Variants in GARRE1 observed in about 807,000 individuals in gnomAD.
GARRE1 encodes the protein granule associated Rac and RHOG effector 1, also known as granule associated Rac and RHOG effector protein 1.
GARRE1 carries 49 observed loss-of-function variants against 103.2 expected under a neutral mutation model. That is an observed-to-expected ratio of 0.47 (90% CI 0.38 to 0.60). The LOEUF is 0.60. GARRE1 is among the 20% of genes least tolerant of loss of function. The pLI, the probability that GARRE1 is intolerant of heterozygous loss-of-function variation, is 0.00. For missense variants in GARRE1, 1,199 were observed against 1,370.5 expected (o/e 0.87, Z 1.98); for synonymous variants, 505 against 532.8 (o/e 0.95, Z 0.72).
intron 10 of GARRE1, among the ~76,000 whole-genome samples, chr19:34,347,289 A>C (rs1350244968): frequency 6.6e-6 from 1 of 151,662 alleles, no homozygotes. Context: ...ACAGGGTTTC[A>C]CCATCTTGGT....
intron 2 of GARRE1, 23 bp downstream of exon 2, chr19:34,300,991 C>A: frequency 6.3e-7 from 1 of 1,577,182 alleles, no homozygotes; most frequent in Non-Finnish European, 8.6e-7. Context: ...TTGTGTCATA[C>A]TTGTGTAGGA....
chr19:34,298,261 C>G (rs1486099745), intron 1 of GARRE1, among the ~76,000 whole-genome samples: 1 of 151,576 alleles, frequency 6.6e-6, no homozygotes, highest in Non-Finnish European at 1.5e-5. Context: ...ACAAAAAATA[C>G]AAAAATTAAC....
intron 1 of GARRE1, among the ~76,000 whole-genome samples, chr19:34,298,413 C>CAAAA (rs55665879): frequency 2.3e-5 from 3 of 129,622 alleles, no homozygotes; most frequent in Admixed American, 7.9e-5. Flanking sequence ...GACTCTGTCT[C>CAAAA]AAAAAAAAAA....
At chr19:34,271,735 A>G (rs1385149950) in intron 1 of GARRE1, among the ~76,000 whole-genome samples, 3 of 151,944 alleles carry the variant, frequency 2.0e-5, no homozygotes, top group Non-Finnish European at 4.4e-5. Flanking sequence ...GCTACTTAGG[A>G]GGCTGAGGTG....
chr19:34,305,172 C>T (rs935764603), intron 2 of GARRE1, among the ~76,000 whole-genome samples: 2 of 152,218 alleles, frequency 1.3e-5, no homozygotes, highest in Non-Finnish European at 1.5e-5. Flanking sequence ...AGCAGTGAAA[C>T]TTCTACTTTC....
At chr19:34,272,118 C>T (rs565734537) in intron 1 of GARRE1, among the ~76,000 whole-genome samples, 16 of 152,344 alleles carry the variant, frequency 1.1e-4, no homozygotes, top group African/African-American at 3.6e-4. Flanking sequence ...CGGGGACCAT[C>T]TGGAATAACA....
intron 7 of GARRE1, among the ~76,000 whole-genome samples, chr19:34,330,757 T>TGC (rs1400782381): frequency 7.0e-6 from 1 of 142,706 alleles, no homozygotes; most frequent in African/African-American, 2.6e-5. Flanking sequence ...TTTGTGTGTG[T>TGC]GTGTGTGACA....
Position 34,300,587 on chromosome 19 carries a change from C to T in GARRE1, c.114C>T (p.Gly38=). ...AGCAATACCCGATGCCTGAGCTGGG[C>T]CGAGCACTGAGTGCTCCCCTGGCAT... is the stretch of plus-strand genomic sequence containing the variant. ...QHQQYPMPEL[G]RALSAPLAST... The change falls in exon 2 of 14, where the codon GGC becomes GGT. Residue 38 remains glycine (G), a synonymous_variant. Transcript: ENST00000299505. 1 of 1,613,438 alleles carries T rather than the reference C, an allele frequency of 6.2e-7. No homozygotes were observed. The highest frequency in any genetic ancestry group is 1.1e-5 in the South Asian group (1 of 91,088).
chr19:34,262,840 AT>A (rs1447526033), intron 1 of GARRE1, among the ~76,000 whole-genome samples: 1 of 152,178 alleles, frequency 6.6e-6, no homozygotes, highest in Non-Finnish European at 1.5e-5. Context: ...GTACAGAACA[AT>A]GTATGTTTGC....
Position 34,341,977 on chromosome 19 carries a change from G to C in GARRE1, c.2043G>C (p.Glu681Asp). The C allele has an allele frequency of 6.2e-7, 1 of 1,614,184 alleles. No individual in the cohort carries two copies. The highest frequency in any genetic ancestry group is 1.1e-5 in the South Asian group (1 of 91,084). ...HNSAATAMVT[E>D]QKAGAMQPQQ... Reference sequence around the variant, plus strand: ...CTGCTGCCACAGCCATGGTGACTGAGCAGAAGGCAGGAGCCATGCAACCAC... The same window carrying C: ...CTGCTGCCACAGCCATGGTGACTGACCAGAAGGCAGGAGCCATGCAACCAC... Residue 681 changes from glutamate (E) to aspartate (D), a missense_variant, in exon 10 of 14, where the codon GAG becomes GAC. Transcript: ENST00000299505.
intron 1 of GARRE1, among the ~76,000 whole-genome samples, chr19:34,269,069 G>C (rs935878884): frequency 6.6e-6 from 1 of 152,064 alleles, no homozygotes; most frequent in Admixed American, 6.6e-5. Flanking sequence ...TTGACCTTGC[G>C]GTTAGAAAAG....
At chr19:34,268,343 A>C (rs1000457467) in intron 1 of GARRE1, among the ~76,000 whole-genome samples, 3 of 152,164 alleles carry the variant, frequency 2.0e-5, no homozygotes, top group South Asian at 2.1e-4. Flanking sequence ...TTGTAGACAA[A>C]ACTTTCCTTG....
At position 34,327,547 on chromosome 19, in the gene GARRE1, G is replaced by A. The variant is rs775949567; in HGVS notation, c.832G>A (p.Asp278Asn). Residue 278 changes from aspartate to asparagine, a missense_variant, in exon 4 of 14, where the codon GAC (aspartate) becomes AAC (asparagine). Physicochemically the swap from Asp to Asn is conservative, Grantham distance 23 (BLOSUM62 1). Coordinates refer to ENST00000299505, the MANE Select transcript of GARRE1 (RefSeq NM_014686.5). ...HQLKELNIKI[D>N]SALQAYKIAL... is the part of the protein sequence containing the mutation. ...GCTAAAAGAACTGAACATAAAAATCGACAGTGCTTTGCAAGTAAGTTTTTC... is the reference window on the plus strand; with the variant it reads ...GCTAAAAGAACTGAACATAAAAATCAACAGTGCTTTGCAAGTAAGTTTTTC... 9 of 1,613,816 alleles carry A rather than the reference G, an allele frequency of 5.6e-6. No individual in the cohort carries two copies. The highest frequency in any genetic ancestry group is 2.7e-5 in the African/African-American group (2 of 75,040).
chr19:34,317,843 T>C (rs1378371874), intron 2 of GARRE1, among the ~76,000 whole-genome samples: 1 of 152,218 alleles, frequency 6.6e-6, no homozygotes, highest in Non-Finnish European at 1.5e-5. Flanking sequence ...TGTGCTCCAC[T>C]AAAGCTGTCT....
intron 3 of GARRE1, among the ~76,000 whole-genome samples, chr19:34,323,023 C>CTTTTTTTTTTTTTTTT (rs71165649): frequency 1.5e-5 from 1 of 66,666 alleles, no homozygotes; most frequent in African/African-American, 5.7e-5. Context: ...TATTTCTTTT[C>CTTTTTTTTTTTTTTTT]TTTTTTTTTT....
intron 3 of GARRE1, among the ~76,000 whole-genome samples, chr19:34,325,256 G>T (rs1283898515): frequency 6.6e-6 from 1 of 152,162 alleles, no homozygotes; most frequent in African/African-American, 2.4e-5. Flanking sequence ...TCTCCATCCA[G>T]TCTTGGGACT....
At chr19:34,311,969 AATT>A (rs1198294749) in intron 2 of GARRE1, among the ~76,000 whole-genome samples, 1 of 151,528 alleles carries the variant, frequency 6.6e-6, no homozygotes, top group East Asian at 1.9e-4. Flanking sequence ...TTTAATTAAA[AATT>A]ATTATTATTA....
At chr19:34,294,928 C>T (rs745630931) in intron 1 of GARRE1, among the ~76,000 whole-genome samples, 2 of 152,170 alleles carry the variant, frequency 1.3e-5, no homozygotes, top group East Asian at 1.9e-4. Context: ...TTGCCCACCT[C>T]GGCCTCCCAA....
chr19:34,338,988 G>A (rs2074173446), intron 8 of GARRE1, among the ~76,000 whole-genome samples: 3 of 152,140 alleles, frequency 2.0e-5, no homozygotes, highest in Admixed American at 2.0e-4. Context: ...AAACAAGGTG[G>A]CGAGAAGTGC....
Sources: gnomAD v4.1 joint callset for allele counts (sites outside exome capture counted in the v4.1 genomes callset) on GRCh38, gnomAD v4.1.1 for gene constraint, MANE v1.5 for transcripts, NCBI Gene and HGNC (gene_info 2026-07-23, HGNC 2026-07-21) for gene names.